Variants in CCDC122 observed in about 807,000 individuals in gnomAD.
CCDC122 encodes coiled-coil domain-containing protein 122.
Under a neutral mutation model 37.0 loss-of-function variants are expected in CCDC122, and 38 were observed. The observed-to-expected ratio is 1.03, with a 90% CI of 0.79 to 1.35. The LOEUF is 1.35. Ranked by LOEUF, CCDC122 falls within the 40% of genes most tolerant of loss-of-function variation. The pLI, the probability that CCDC122 is intolerant of heterozygous loss-of-function variation, is 0.00. For missense variants in CCDC122, 305 were observed against 310.0 expected, an observed-to-expected ratio of 0.98 and a Z score of 0.12; for synonymous variants, 83 against 95.6, an observed-to-expected ratio of 0.87 and a Z score of 0.77.
intron 3 of CCDC122, 121 bp from the exon 4 acceptor site, chr13:43,868,924 T>C (rs1388404920): frequency 1.8e-6 from 1 of 549,032 alleles, no homozygotes; most frequent in African/African-American, 2.0e-5. Context: ...TAAACTAAAT[T>C]TAGAATTAGT....
In CCDC122 at chr13:43,859,654, C is replaced by T. The variant is rs1954041263; in HGVS notation, c.555+18G>A. 6.9e-7 allele frequency: 1 copy of T among 1,444,852 alleles called. No homozygotes were observed. The highest frequency in any genetic ancestry group is 1.5e-5 in the African/African-American group (1 of 68,510). 89.5% of individuals were successfully genotyped at this position (1,444,852 alleles called of 1,614,324 possible). ...AGGAGTAATAGAAAAAATAGTTTTA[C>T]TAAGTAATTTTGCACACCTGTACTT... On this transcript the variant is annotated intron_variant, in intron 5 of 6. Coordinates refer to ENST00000444614, the MANE Select transcript of CCDC122 (RefSeq NM_144974.5).
chr13:43,828,457 T>G (rs1953059447), intron 3 of CCDC122, among the ~76,000 whole-genome samples: 1 of 152,116 alleles, frequency 6.6e-6, no homozygotes. Context: ...TGGGATTAAT[T>G]GCTCCTTATT....
downstream of CCDC122, among the ~76,000 whole-genome samples, chr13:43,821,797 C>T (rs1436009509): frequency 1.3e-5 from 2 of 152,180 alleles, no homozygotes; most frequent in Admixed American, 6.5e-5. Flanking sequence ...CAGTGTGTCA[C>T]TTGCATTTTT....
chr13:43,876,380 A>G (rs938723971), intron 1 of CCDC122, among the ~76,000 whole-genome samples: 4 of 152,214 alleles, frequency 2.6e-5, no homozygotes, highest in Admixed American at 6.5e-5. Flanking sequence ...AGCATTATAA[A>G]AATGTCTGGT....
intron 6 of CCDC122, among the ~76,000 whole-genome samples, chr13:43,841,777 C>T (rs986375911): frequency 6.6e-6 from 1 of 152,174 alleles, no homozygotes; most frequent in African/African-American, 2.4e-5. Context: ...GTGGCATGAT[C>T]ACAGATCACT....
chr13:43,852,199 G>A (rs2153873067), intron 6 of CCDC122, among the ~76,000 whole-genome samples: 1 of 152,202 alleles, frequency 6.6e-6, no homozygotes, highest in East Asian at 1.9e-4. Flanking sequence ...AGCTATAGAA[G>A]TATGTTAAAA....
chr13:43,843,129 AG>A (rs1354382024), intron 6 of CCDC122, among the ~76,000 whole-genome samples: 2 of 152,078 alleles, frequency 1.3e-5, no homozygotes, highest in African/African-American at 4.8e-5. Context: ...ACATTTCACC[AG>A]TAAGTATGAT....
downstream of CCDC122, among the ~76,000 whole-genome samples, chr13:43,835,240 C>G (rs1034856245): frequency 1.1e-4 from 16 of 152,126 alleles, no homozygotes; most frequent in Non-Finnish European, 2.2e-4. Context: ...TGTTCTCACT[C>G]CTAGGTGGGA....
intron 6 of CCDC122, among the ~76,000 whole-genome samples, chr13:43,838,969 C>T (rs1953258628): frequency 6.6e-6 from 1 of 152,210 alleles, no homozygotes; most frequent in African/African-American, 2.4e-5. Context: ...GTCTTGTGCA[C>T]ATGCCTGCAA....
intron 4 of CCDC122, among the ~76,000 whole-genome samples, chr13:43,864,126 G>A (rs1954199102): frequency 1.3e-5 from 2 of 151,962 alleles, no homozygotes; most frequent in South Asian, 4.2e-4. Flanking sequence ...GAATTGCTTT[G>A]GTACGTCTTC....
intron 3 of CCDC122, 48 bp downstream of exon 3, chr13:43,869,282 TG>T: frequency 7.1e-7 from 1 of 1,401,482 alleles, no homozygotes; most frequent in South Asian, 1.2e-5. Flanking sequence ...ACTACTTTTT[TG>T]TTGTTGCTGA....
intron 4 of CCDC122, among the ~76,000 whole-genome samples, chr13:43,861,789 T>C (rs961918698): frequency 2.0e-5 from 3 of 152,174 alleles, no homozygotes; most frequent in South Asian, 2.1e-4. Flanking sequence ...ATCTCAACTA[T>C]ACATATTCAG....
rs1287765340 is a variant in CCDC122 at position 43,837,206 on chromosome 13, A to G, written c.*74T>C. The stretch of plus-strand genomic sequence containing the variant: ...AGTGGATGCTTGTTATTAAGAATCC[A>G]AAAGATTTTCTTAATGTTCTGTCCA... On this transcript the variant is annotated 3_prime_UTR_variant, in exon 7 of 7. Coordinates refer to ENST00000444614, the MANE Select transcript of CCDC122 (RefSeq NM_144974.5). 5 of 1,431,698 alleles carry G rather than the reference A, an allele frequency of 3.5e-6. No individual in the cohort carries two copies. The highest frequency in any genetic ancestry group is 4.7e-6 in the Non-Finnish European group (5 of 1,055,012). The allele number at this position is 1,431,698 out of a possible 1,614,324, so 88.7% of individuals were successfully genotyped here.
intron 6 of CCDC122, among the ~76,000 whole-genome samples, chr13:43,847,840 T>C (rs756201411): frequency 8.5e-5 from 13 of 152,112 alleles, no homozygotes; most frequent in Non-Finnish European, 1.6e-4. Flanking sequence ...AGTGACACAA[T>C]CTCAGCTCAT....
At chr13:43,825,047 G>A (rs1417239012) in intron 3 of CCDC122, among the ~76,000 whole-genome samples, 1 of 152,178 alleles carries the variant, frequency 6.6e-6, no homozygotes, top group African/African-American at 2.4e-5. Flanking sequence ...CCATTACTGG[G>A]TATATACTCA....
chr13:43,836,296 T>C (rs1953157955), downstream of CCDC122: 1 of 152,306 alleles, frequency 6.6e-6, no homozygotes, highest in Non-Finnish European at 1.5e-5. Context: ...TAGTGAGTAA[T>C]ACTCTTAAGA....
chr13:43,838,319 A>AT (rs2153869465), intron 6 of CCDC122, among the ~76,000 whole-genome samples: 1 of 152,268 alleles, frequency 6.6e-6, no homozygotes, highest in Non-Finnish European at 1.5e-5. Flanking sequence ...TGAAACACAG[A>AT]TCATTTGGTC....
intron 6 of CCDC122, among the ~76,000 whole-genome samples, chr13:43,840,933 G>C (rs1953330030): frequency 1.3e-5 from 2 of 152,138 alleles, no homozygotes; most frequent in Admixed American, 1.3e-4. Flanking sequence ...GGTATTTATA[G>C]TTCTAGATCC....
chr13:43,834,599 C>A (rs1953122319), downstream of CCDC122, among the ~76,000 whole-genome samples: 1 of 152,062 alleles, frequency 6.6e-6, no homozygotes, highest in Middle Eastern at 3.4e-3. Flanking sequence ...CAATGAACCC[C>A]AACAAATTTA....
Sources: allele counts gnomAD v4.1 joint callset (sites outside exome capture counted in the v4.1 genomes callset), GRCh38; gene constraint gnomAD v4.1.1; transcripts MANE v1.5; gene names NCBI Gene and HGNC (gene_info 2026-07-23, HGNC 2026-07-21).